Variants in PRKAR2A observed in about 807,000 individuals in gnomAD.
PRKAR2A encodes cAMP-dependent protein kinase type II-alpha regulatory subunit.
Under a neutral mutation model 51.9 loss-of-function variants are expected in PRKAR2A, and 29 were observed. The observed-to-expected ratio is 0.56, with a 90% CI of 0.42 to 0.76. PRKAR2A has a LOEUF of 0.76. PRKAR2A is among the 30% of genes least tolerant of loss of function. PRKAR2A has a pLI of 0.00. For missense variants in PRKAR2A, 445 were observed against 512.1 expected (o/e 0.87, Z 1.26); for synonymous variants, 178 against 186.2 (o/e 0.96, Z 0.36).
At chr3:48,769,761 C>A (rs186336396) in intron 6 of PRKAR2A, among the ~76,000 whole-genome samples, 1 of 152,116 alleles carries the variant, frequency 6.6e-6, no homozygotes, top group African/African-American at 2.4e-5. Flanking sequence ...CAGGCACGAG[C>A]CACTACGCCC....
Position 48,783,072 on chromosome 3 carries a change from G to T in PRKAR2A, c.456C>A (p.Leu152=). 6.2e-7 allele frequency: 1 copy of T among 1,612,862 alleles called. No homozygotes were observed. The highest frequency in any genetic ancestry group is 8.5e-7 in the Non-Finnish European group (1 of 1,179,548). The change falls in exon 5 of 11, where the codon CTC becomes CTA. Residue 152 remains leucine, a synonymous_variant. Transcript: ENST00000265563. ...NLDQEQLSQV[L]DAMFERIVKA... is the part of the protein sequence containing the mutation. ...TGACTATCCTTTCAAACATGGCATC[G>T]AGAACTTGAGAAAGCTGTTCCTGCA...
chr3:48,771,359 A>C (rs990895365), intron 6 of PRKAR2A, among the ~76,000 whole-genome samples: 1 of 151,842 alleles, frequency 6.6e-6, no homozygotes, highest in Non-Finnish European at 1.5e-5. Context: ...ACAACAACAA[A>C]AAGACAGGTG....
At chr3:48,769,318 C>T (rs1468763909) in intron 6 of PRKAR2A, among the ~76,000 whole-genome samples, 5 of 151,446 alleles carry the variant, frequency 3.3e-5, no homozygotes, top group East Asian at 4.0e-4. Context: ...CCACCGCGCC[C>T]GGCTAATTTT....
chr3:48,824,877 C>T (rs1187984624), intron 1 of PRKAR2A, among the ~76,000 whole-genome samples: 5 of 150,708 alleles, frequency 3.3e-5, no homozygotes, highest in South Asian at 4.2e-4. Context: ...ACCCGGGAGG[C>T]GGAGGTTGCA....
chr3:48,818,364 G>A, intron 1 of PRKAR2A, among the ~76,000 whole-genome samples: 1 of 152,132 alleles, frequency 6.6e-6, no homozygotes, highest in East Asian at 1.9e-4. Flanking sequence ...TACAATATAA[G>A]CCATTCATTT....
intron 6 of PRKAR2A, among the ~76,000 whole-genome samples, chr3:48,768,344 TAGACAGACAGAG>T (rs1201263077): frequency 8.2e-6 from 1 of 122,260 alleles, no homozygotes; most frequent in Admixed American, 8.5e-5. Context: ...TAGATAGATA[TAGACAGACAGAG>T]AGACAGACAG....
rs375663532 is a variant in PRKAR2A, at chr3:48,823,906, G to C, written c.263-16222C>G. ...TTTGAAGAGGTTACCACTACAAAAA[G>C]ACAGGATAATATGAACATCAAATAA... On this transcript the variant is annotated intron_variant, in intron 1 of 10. Coordinates refer to ENST00000265563, the MANE Select transcript of PRKAR2A (RefSeq NM_004157.4). 1.4e-3 allele frequency among the ~76,000 whole-genome samples: 215 copies of C among 151,902 alleles called. 8 individuals carry two copies. In the South Asian group the frequency reaches 0.044, roughly 31 times the overall value.
At chr3:48,829,262 TA>T (rs1559645871) in intron 1 of PRKAR2A, among the ~76,000 whole-genome samples, 1 of 151,350 alleles carries the variant, frequency 6.6e-6, no homozygotes, top group Non-Finnish European at 1.5e-5. Flanking sequence ...CTCACGCCTG[TA>T]ATCCCAGCGC....
At chr3:48,775,504 TAA>T (rs768287836) in intron 5 of PRKAR2A, among the ~76,000 whole-genome samples, 8 of 124,838 alleles carry the variant, frequency 6.4e-5, no homozygotes, top group Non-Finnish European at 5.2e-5. Flanking sequence ...CAATAATGGC[TAA>T]AAAAAAAAAA....
chr3:48,788,896 A>C (rs2082337389), intron 4 of PRKAR2A, among the ~76,000 whole-genome samples: 1 of 152,146 alleles, frequency 6.6e-6, no homozygotes, highest in African/African-American at 2.4e-5. Flanking sequence ...GACACCTATC[A>C]GGAGATAGCC....
At chr3:48,815,263 G>A (rs2082855091) in intron 1 of PRKAR2A, among the ~76,000 whole-genome samples, 2 of 151,710 alleles carry the variant, frequency 1.3e-5, no homozygotes, top group Admixed American at 6.6e-5. Context: ...GTGCTGGCAT[G>A]GTTTTGTTAT....
intron 5 of PRKAR2A, among the ~76,000 whole-genome samples, chr3:48,773,559 C>T (rs1037580438): frequency 2.0e-5 from 3 of 151,626 alleles, no homozygotes; most frequent in Non-Finnish European, 2.9e-5. Context: ...AGGATGGTCT[C>T]GATCTCCTGG....
chr3:48,789,647 C>G (rs1052877100), intron 4 of PRKAR2A, among the ~76,000 whole-genome samples: 3 of 151,892 alleles, frequency 2.0e-5, no homozygotes, highest in African/African-American at 7.3e-5. Flanking sequence ...CACACTACCA[C>G]ACCTGGCTAA....
intron 5 of PRKAR2A, among the ~76,000 whole-genome samples, chr3:48,775,284 C>A (rs2082089210): frequency 6.6e-6 from 1 of 151,558 alleles, no homozygotes; most frequent in Admixed American, 6.6e-5. Flanking sequence ...ACTAAAAATA[C>A]AAAAATTAGC....
chr3:48,767,689 C>A (rs1167040547), intron 6 of PRKAR2A, among the ~76,000 whole-genome samples: 1 of 152,086 alleles, frequency 6.6e-6, no homozygotes, highest in African/African-American at 2.4e-5. Context: ...CTTTGGGAGG[C>A]TGAGGCGGGT....
At chr3:48,840,619 C>G (rs2083363903) in intron 1 of PRKAR2A, among the ~76,000 whole-genome samples, 1 of 116,664 alleles carries the variant, frequency 8.6e-6, no homozygotes, top group Non-Finnish European at 1.7e-5. Context: ...CTCTCTCGCC[C>G]AGGCTGGAGT....
chr3:48,784,836 T>C (rs1486457141), intron 4 of PRKAR2A, among the ~76,000 whole-genome samples: 1 of 152,158 alleles, frequency 6.6e-6, no homozygotes, highest in African/African-American at 2.4e-5. Flanking sequence ...AAAGGTTTCA[T>C]TATAGGTTGT....
intron 8 of PRKAR2A, among the ~76,000 whole-genome samples, chr3:48,760,674 A>G (rs2107218102): frequency 6.6e-6 from 1 of 151,116 alleles, no homozygotes; most frequent in East Asian, 2.0e-4. Flanking sequence ...ACTAAAAAAA[A>G]AAAAAAAAAA....
chr3:48,809,241 G>C (rs1361713212), intron 1 of PRKAR2A, among the ~76,000 whole-genome samples: 1 of 152,114 alleles, frequency 6.6e-6, no homozygotes, highest in Admixed American at 6.6e-5. Flanking sequence ...GCTTAGGTTA[G>C]ATGTGTGGCT....
Sources: gnomAD v4.1 joint callset for allele counts (sites outside exome capture counted in the v4.1 genomes callset) on GRCh38, gnomAD v4.1.1 for gene constraint, MANE v1.5 for transcripts, NCBI Gene and HGNC (gene_info 2026-07-23, HGNC 2026-07-21) for gene names.